The following NR3C2 variants were observed in gnomAD, a reference collection of about 807,000 sequenced individuals.
NR3C2 encodes nuclear receptor subfamily 3 group C member 2, also known as mineralocorticoid receptor.
Under a neutral mutation model 86.4 loss-of-function variants are expected in NR3C2, and 15 were observed. That is an observed-to-expected ratio of 0.17 (90% confidence interval 0.12 to 0.27). NR3C2 has a LOEUF of 0.27. Among genes scored for constraint, NR3C2 ranks in the 10% least tolerant of loss-of-function variants. The pLI is 1.00. For synonymous variants in NR3C2, 458 were observed against 450.5 expected (o/e 1.02, Z -0.21); for missense variants, 960 against 1,195.6 (o/e 0.80, Z 2.91).
At chr4:148,315,580 A>G (rs1234041622) in intron 2 of NR3C2, among the ~76,000 whole-genome samples, 1 of 152,176 alleles carries the variant, frequency 6.6e-6, no homozygotes, top group Non-Finnish European at 1.5e-5. Context: ...TTTTAGACTT[A>G]ATTATCCAAA....
chr4:148,379,763 T>C (rs1029857167), intron 2 of NR3C2, among the ~76,000 whole-genome samples: 4 of 151,996 alleles, frequency 2.6e-5, no homozygotes, highest in African/African-American at 9.7e-5. Context: ...GAAAATATAT[T>C]TTCAAAGCTT....
At chr4:148,102,810 T>C (rs1229452462) in intron 8 of NR3C2, among the ~76,000 whole-genome samples, 1 of 152,228 alleles carries the variant, frequency 6.6e-6, no homozygotes, top group African/African-American at 2.4e-5. Flanking sequence ...GTGGGGCACC[T>C]GAAATGCAGC....
intron 6 of NR3C2, 93 bp from the exon 7 acceptor site, chr4:148,120,381 C>A: frequency 6.7e-7 from 1 of 1,487,750 alleles, no homozygotes; most frequent in Non-Finnish European, 9.3e-7. Flanking sequence ...AGATCTGAGT[C>A]AGAATTCTCC....
intron 2 of NR3C2, among the ~76,000 whole-genome samples, chr4:148,264,640 T>C (rs1398794926): frequency 6.6e-6 from 1 of 152,116 alleles, no homozygotes; most frequent in Non-Finnish European, 1.5e-5. Flanking sequence ...CTCTGGGCCA[T>C]AATTCTCAGC....
chr4:148,170,453 C>T (rs1003130547), intron 4 of NR3C2, among the ~76,000 whole-genome samples: 18 of 151,934 alleles, frequency 1.2e-4, no homozygotes, highest in African/African-American at 4.4e-4. Flanking sequence ...AATTCATTTT[C>T]ATCTTTCAAA....
intron 6 of NR3C2, among the ~76,000 whole-genome samples, chr4:148,144,900 A>G (rs564561325): frequency 9.2e-5 from 14 of 152,200 alleles, no homozygotes; most frequent in Middle Eastern, 3.2e-3. Context: ...AGGGCCAGGT[A>G]GGAATGAAGA....
intron 2 of NR3C2, among the ~76,000 whole-genome samples, chr4:148,296,044 C>CAAAAAA (rs529710200): frequency 0.2 from 14,628 of 73,586 alleles, 1,667 homozygotes; most frequent in Middle Eastern, 0.26. Flanking sequence ...GAGCTGAGGC[C>CAAAAAA]AAAAAAAAAA....
At chr4:148,371,101 T>A (rs1746394509) in intron 2 of NR3C2, among the ~76,000 whole-genome samples, 1 of 152,226 alleles carries the variant, frequency 6.6e-6, no homozygotes, top group African/African-American at 2.4e-5. Flanking sequence ...TACGAGTTAC[T>A]TTGATAGAGG....
intron 4 of NR3C2, among the ~76,000 whole-genome samples, chr4:148,186,989 T>TATAC (rs1491117011): frequency 7.6e-5 from 1 of 13,082 alleles, no homozygotes; most frequent in Non-Finnish European, 1.1e-4. Flanking sequence ...CTGATGTGTG[T>TATAC]ATGTATGTAT....
At chr4:148,397,229 G>C (rs72658620) in intron 2 of NR3C2, among the ~76,000 whole-genome samples, 43 of 152,358 alleles carry the variant, frequency 2.8e-4, no homozygotes, top group African/African-American at 8.4e-4. Context: ...GCAACCCTGA[G>C]GGGGAGGGTG....
At chr4:148,322,968 T>C (rs563329054) in intron 2 of NR3C2, among the ~76,000 whole-genome samples, 11 of 149,982 alleles carry the variant, frequency 7.3e-5, no homozygotes, top group Non-Finnish European at 3.0e-5. Flanking sequence ...CTGTTTAGAG[T>C]TTCCAGTTTT....
At chr4:148,189,675 T>C (rs2149798356) in intron 4 of NR3C2, among the ~76,000 whole-genome samples, 1 of 152,320 alleles carries the variant, frequency 6.6e-6, no homozygotes, top group Middle Eastern at 3.4e-3. Context: ...TTGACAATTT[T>C]TTAGTTACCA....
At chr4:148,097,741 G>GTTTTTTTTT (rs1180902227) in intron 8 of NR3C2, among the ~76,000 whole-genome samples, 9 of 107,482 alleles carry the variant, frequency 8.4e-5, no homozygotes, top group Non-Finnish European at 1.1e-4. Context: ...ACTTTTTTGC[G>GTTTTTTTTT]TTTTTTTTTG....
rs539004252 is a variant in NR3C2, at chr4:148,340,727, C to G, written c.1758-80610G>C. Among the ~76,000 whole-genome samples, 112 of 152,088 alleles carry G rather than the reference C, an allele frequency of 7.4e-4. 1 individual carries two copies. The highest frequency in any genetic ancestry group is 2.7e-3 in the African/African-American group (111 of 41,520). On this transcript the variant is annotated intron_variant, in intron 2 of 8. Coordinates refer to ENST00000358102, the MANE Select transcript of NR3C2 (RefSeq NM_000901.5). ...GGTTTTTTGCAAAGTATCCATGAAACAAGGGATTAATAATCAGAATATATA... is the reference window on the plus strand; with the variant it reads ...GGTTTTTTGCAAAGTATCCATGAAAGAAGGGATTAATAATCAGAATATATA...
intron 4 of NR3C2, among the ~76,000 whole-genome samples, chr4:148,186,162 C>CA (rs937559362): frequency 2.0e-5 from 3 of 151,580 alleles, no homozygotes; most frequent in Middle Eastern, 3.2e-3. Context: ...TTATCCTTGT[C>CA]AAAAAAAATA....
At chr4:148,167,812 C>T (rs1734946696) in intron 4 of NR3C2, among the ~76,000 whole-genome samples, 2 of 152,116 alleles carry the variant, frequency 1.3e-5, no homozygotes, top group Non-Finnish European at 2.9e-5. Context: ...TGGGTTTCAC[C>T]CCAAACCCCA....
At chr4:148,257,626 T>C (rs567514690) in intron 3 of NR3C2, among the ~76,000 whole-genome samples, 168 of 152,224 alleles carry the variant, frequency 1.1e-3, no homozygotes, top group African/African-American at 3.7e-3. Context: ...GTTTTACAAA[T>C]ATTATAAAGT....
intron 2 of NR3C2, among the ~76,000 whole-genome samples, chr4:148,358,868 G>A (rs1193593585): frequency 5.9e-5 from 9 of 152,006 alleles, no homozygotes; most frequent in Admixed American, 5.9e-4. Flanking sequence ...ATACCAAGAA[G>A]AGTATTTCCA....
chr4:148,330,895 T>G (rs1419611661), intron 2 of NR3C2, among the ~76,000 whole-genome samples: 3 of 152,166 alleles, frequency 2.0e-5, no homozygotes, highest in African/African-American at 7.2e-5. Context: ...TCTGTCTTGC[T>G]CCAGCTCTTG....
Sources: gnomAD v4.1 joint callset for allele counts (sites outside exome capture counted in the v4.1 genomes callset) on GRCh38, gnomAD v4.1.1 for gene constraint, MANE v1.5 for transcripts, NCBI Gene and HGNC (gene_info 2026-07-23, HGNC 2026-07-21) for gene names.